The following TPD52L1 variants were observed in gnomAD, a reference collection of about 807,000 sequenced individuals.
TPD52L1 encodes tumor protein D53.
Under a neutral mutation model 28.7 loss-of-function variants are expected in TPD52L1, and 18 were observed. The observed-to-expected ratio is 0.63, with a 90% CI of 0.43 to 0.93. The LOEUF (loss-of-function observed/expected upper bound fraction) is 0.93. TPD52L1 is among the 40% of genes least tolerant of loss of function. TPD52L1 has a pLI of 0.00. For synonymous variants in TPD52L1, 75 were observed against 88.8 expected, an observed-to-expected ratio of 0.84 and a Z score of 0.88; for missense variants, 203 against 254.8, an observed-to-expected ratio of 0.80 and a Z score of 1.39.
intron 2 of TPD52L1, among the ~76,000 whole-genome samples, chr6:125,222,425 A>G (rs1446815076): frequency 6.6e-6 from 1 of 152,166 alleles, no homozygotes; most frequent in Admixed American, 6.5e-5. Flanking sequence ...CTATTAGATG[A>G]CGGCCTTGGA....
At chr6:125,175,906 A>G (rs1231517548) in intron 1 of TPD52L1, among the ~76,000 whole-genome samples, 1 of 139,230 alleles carries the variant, frequency 7.2e-6, no homozygotes, top group Admixed American at 7.1e-5. Flanking sequence ...AAATTCTTAC[A>G]GACTATCAGC....
intron 3 of TPD52L1, among the ~76,000 whole-genome samples, chr6:125,245,662 G>C (rs1796881856): frequency 6.6e-6 from 1 of 152,130 alleles, no homozygotes; most frequent in African/African-American, 2.4e-5. Context: ...GGCTGCCTCT[G>C]CTGTGTCATA....
chr6:125,156,845 G>C (rs1335244665), intron 1 of TPD52L1, among the ~76,000 whole-genome samples: 2 of 152,012 alleles, frequency 1.3e-5, no homozygotes, highest in Non-Finnish European at 1.5e-5. Context: ...GTGAAGGAGG[G>C]CAGTGTCAAG....
chr6:125,182,434 T>C (rs1352735000), intron 1 of TPD52L1, among the ~76,000 whole-genome samples: 1 of 151,948 alleles, frequency 6.6e-6, no homozygotes, highest in African/African-American at 2.4e-5. Context: ...TGCTGATGAG[T>C]GTTACCCTCT....
intron 1 of TPD52L1, among the ~76,000 whole-genome samples, chr6:125,175,438 A>T (rs917066294): frequency 5.3e-5 from 8 of 152,234 alleles, no homozygotes; most frequent in African/African-American, 1.9e-4. Context: ...TACCACTGGT[A>T]TTAAATGTTG....
chr6:125,207,123 G>A (rs886326139), intron 1 of TPD52L1, among the ~76,000 whole-genome samples: 2 of 152,124 alleles, frequency 1.3e-5, no homozygotes, highest in Non-Finnish European at 2.9e-5. Flanking sequence ...AAAGAGTTTG[G>A]GAGACATAAG....
intron 1 of TPD52L1, among the ~76,000 whole-genome samples, chr6:125,192,575 C>A (rs969410586): frequency 6.6e-6 from 1 of 152,138 alleles, no homozygotes; most frequent in South Asian, 2.1e-4. Flanking sequence ...TAACAGAGAG[C>A]CCCATCTTCA....
intron 1 of TPD52L1, among the ~76,000 whole-genome samples, chr6:125,157,500 G>A (rs1473193181): frequency 1.3e-5 from 2 of 152,194 alleles, no homozygotes; most frequent in Admixed American, 6.5e-5. Context: ...ACAACGTGGA[G>A]AGAGATGTCC....
At chr6:125,156,996 T>C (rs948260447) in intron 1 of TPD52L1, among the ~76,000 whole-genome samples, 1 of 152,230 alleles carries the variant, frequency 6.6e-6, no homozygotes, top group Admixed American at 6.5e-5. Flanking sequence ...AGAAAAAACT[T>C]CTCACAAACT....
chr6:125,250,370 G>A (rs1562381850), intron 4 of TPD52L1, among the ~76,000 whole-genome samples: 1 of 152,178 alleles, frequency 6.6e-6, no homozygotes, highest in Non-Finnish European at 1.5e-5. Context: ...TGGCTTCAGA[G>A]GGTCAGTTTA....
intron 1 of TPD52L1, among the ~76,000 whole-genome samples, chr6:125,187,295 T>C (rs537274278): frequency 6.0e-4 from 92 of 152,174 alleles, no homozygotes; most frequent in Admixed American, 2.8e-3. Context: ...TTCCAATTGC[T>C]GACAAGGATA....
At chr6:125,189,233 T>C (rs892617602) in intron 1 of TPD52L1, among the ~76,000 whole-genome samples, 1 of 152,204 alleles carries the variant, frequency 6.6e-6, no homozygotes, top group African/African-American at 2.4e-5. Context: ...TATTCTTTTA[T>C]AATAATAACC....
At chr6:125,204,605 T>TA (rs1793997271) in intron 1 of TPD52L1, among the ~76,000 whole-genome samples, 1 of 151,752 alleles carries the variant, frequency 6.6e-6, no homozygotes, top group Non-Finnish European at 1.5e-5. Flanking sequence ...TCAGCCTCCC[T>TA]AGTAGCTGGG....
chr6:125,199,635 A>C (rs1793673110), intron 1 of TPD52L1, among the ~76,000 whole-genome samples: 1 of 152,222 alleles, frequency 6.6e-6, no homozygotes, highest in Non-Finnish European at 1.5e-5. Flanking sequence ...CAGTGAGCCA[A>C]GATTGCACCA....
At chr6:125,204,549 G>A (rs1430417852) in intron 1 of TPD52L1, among the ~76,000 whole-genome samples, 1 of 151,718 alleles carries the variant, frequency 6.6e-6, no homozygotes, top group Non-Finnish European at 1.5e-5. Context: ...GGGCGATCTC[G>A]GCTCACTGCA....
At chr6:125,239,839 G>A (rs1469142919) in intron 3 of TPD52L1, among the ~76,000 whole-genome samples, 1 of 151,966 alleles carries the variant, frequency 6.6e-6, no homozygotes, top group African/African-American at 2.4e-5. Flanking sequence ...AGTTTAATTA[G>A]GTCCCATATA....
intron 1 of TPD52L1, among the ~76,000 whole-genome samples, chr6:125,207,692 C>G (rs917902679): frequency 6.6e-6 from 1 of 152,218 alleles, no homozygotes; most frequent in Non-Finnish European, 1.5e-5. Flanking sequence ...CAGTATCCAC[C>G]TAGGTCCCTC....
At chr6:125,257,358 T>C (rs1797668989) in intron 6 of TPD52L1, among the ~76,000 whole-genome samples, 200 bp downstream of exon 6, 1 of 152,188 alleles carries the variant, frequency 6.6e-6, no homozygotes, top group Admixed American at 6.5e-5. Context: ...GTATAAACCA[T>C]TCAGGGGTGA....
chr6:125,216,504 G>T (rs1794884787), intron 1 of TPD52L1, among the ~76,000 whole-genome samples: 1 of 134,582 alleles, frequency 7.4e-6, no homozygotes, highest in South Asian at 2.3e-4. Flanking sequence ...AACCAAGTTT[G>T]CAACAGTAAA....
Sources: gnomAD v4.1 joint callset for allele counts (sites outside exome capture counted in the v4.1 genomes callset) on GRCh38, gnomAD v4.1.1 for gene constraint, MANE v1.5 for transcripts, NCBI Gene and HGNC (gene_info 2026-07-23, HGNC 2026-07-21) for gene names.